HDHD2: variants seen among roughly 807,000 people sequenced by gnomAD.
The protein encoded by HDHD2 is haloacid dehalogenase like hydrolase domain containing 2.
In HDHD2, 26 loss-of-function variants were observed where a neutral mutation model predicts 24.8. The ratio of observed to expected loss-of-function variants is 1.05; its 90% confidence interval spans 0.77 to 1.45. The LOEUF (loss-of-function observed/expected upper bound fraction) is 1.45, where lower values mean the gene tolerates loss of function less well. Among genes scored for constraint, HDHD2 ranks in the 40% most tolerant of loss-of-function variants. The pLI is 0.00. For missense variants in HDHD2, 299 were observed against 313.4 expected (o/e 0.95, Z 0.35); for synonymous variants, 128 against 114.9 (o/e 1.11, Z -0.73).
intron 4 of HDHD2, among the ~76,000 whole-genome samples, chr18:47,122,497 T>C (rs1429444169): frequency 6.6e-6 from 1 of 152,130 alleles, no homozygotes; most frequent in Admixed American, 6.6e-5. Context: ...AAATATTCCT[T>C]AGGGGGCAAA....
chr18:47,146,442 G>C (rs547908030), intron 1 of HDHD2, among the ~76,000 whole-genome samples: 1 of 152,248 alleles, frequency 6.6e-6, no homozygotes, highest in East Asian at 1.9e-4. Context: ...AAGCATTTTG[G>C]AATCAGTCTG....
chr18:47,150,098 C>G (rs1299261612), intron 1 of HDHD2: 2 of 152,406 alleles, frequency 1.3e-5, no homozygotes, highest in Non-Finnish European at 2.9e-5. Context: ...AGCCCAAGAG[C>G]ACGCTTCGAG....
At chr18:47,129,850 G>A (rs1301949712) in intron 4 of HDHD2, among the ~76,000 whole-genome samples, 1 of 152,160 alleles carries the variant, frequency 6.6e-6, no homozygotes, top group Non-Finnish European at 1.5e-5. Context: ...GAGGTGGGCA[G>A]ATTGCTTGAG....
chr18:47,117,156 T>C (rs2063564145), intron 4 of HDHD2, among the ~76,000 whole-genome samples: 1 of 152,216 alleles, frequency 6.6e-6, no homozygotes, highest in South Asian at 2.1e-4. Context: ...AGGACACAGA[T>C]TAAAAGATCT....
intron 1 of HDHD2, among the ~76,000 whole-genome samples, chr18:47,145,877 T>A (rs971843432): frequency 6.6e-6 from 1 of 151,990 alleles, no homozygotes; most frequent in Non-Finnish European, 1.5e-5. Context: ...GTATAAACAT[T>A]AAGAAAAAGA....
At chr18:47,134,408 G>C (rs2063743003) in intron 3 of HDHD2, 88 bp downstream of exon 3, 1 of 925,984 alleles carries the variant, frequency 1.1e-6, no homozygotes, top group Non-Finnish European at 1.6e-6. Flanking sequence ...GGGGAAATCA[G>C]AATAAACATC....
At chr18:47,110,408 C>G in intron 6 of HDHD2, 1 of 985,276 alleles carries the variant, frequency 1.0e-6, no homozygotes. Context: ...GCTTAAATAT[C>G]GTTAGTATAA....
At chr18:47,125,810 G>T (rs1409505986) in intron 4 of HDHD2, among the ~76,000 whole-genome samples, 1 of 152,102 alleles carries the variant, frequency 6.6e-6, no homozygotes, top group Non-Finnish European at 1.5e-5. Flanking sequence ...GGTTACATAG[G>T]TATATCTATG....
intron 4 of HDHD2, among the ~76,000 whole-genome samples, chr18:47,128,895 A>C (rs1407479677): frequency 1.3e-5 from 2 of 152,214 alleles, no homozygotes; most frequent in African/African-American, 4.8e-5. Flanking sequence ...AGTTTCCTAT[A>C]AACATTCTAT....
intron 4 of HDHD2, among the ~76,000 whole-genome samples, chr18:47,117,597 T>A (rs2063568123): frequency 6.6e-6 from 1 of 152,226 alleles, no homozygotes; most frequent in African/African-American, 2.4e-5. Flanking sequence ...TCAGGTATTG[T>A]TATAGCAGCA....
intron 3 of HDHD2, among the ~76,000 whole-genome samples, chr18:47,133,422 T>C (rs2063732700): frequency 6.6e-6 from 1 of 150,916 alleles, no homozygotes; most frequent in African/African-American, 2.4e-5. Flanking sequence ...TGGTTCCAAG[T>C]CTTTGCTATT....
chr18:47,108,952 G>T, intron 6 of HDHD2, 167 bp from the exon 7 acceptor site: 1 of 563,056 alleles, frequency 1.8e-6, no homozygotes, highest in South Asian at 2.5e-5. Context: ...ATGTAAATGA[G>T]GCAATTCAAA....
intron 4 of HDHD2, among the ~76,000 whole-genome samples, chr18:47,129,971 T>C (rs2063697177): frequency 6.6e-6 from 1 of 152,100 alleles, no homozygotes; most frequent in African/African-American, 2.4e-5. Context: ...AGATCGAGGC[T>C]GTGGTGAGCC....
At chr18:47,120,730 T>C (rs924718876) in intron 4 of HDHD2, among the ~76,000 whole-genome samples, 2 of 152,204 alleles carry the variant, frequency 1.3e-5, no homozygotes, top group African/African-American at 4.8e-5. Flanking sequence ...AAGAGATGTA[T>C]GATTCTTCCT....
At chr18:47,127,559 CTTGT>C (rs1221930077) in intron 4 of HDHD2, among the ~76,000 whole-genome samples, 2 of 151,984 alleles carry the variant, frequency 1.3e-5, no homozygotes, top group African/African-American at 4.8e-5. Flanking sequence ...TTATAAGTGA[CTTGT>C]TTGTCTTCCT....
intron 4 of HDHD2, among the ~76,000 whole-genome samples, chr18:47,127,206 A>G (rs2063667156): frequency 6.6e-6 from 1 of 152,196 alleles, no homozygotes; most frequent in South Asian, 2.1e-4. Flanking sequence ...CTTGTGGCAA[A>G]GCAATTCATT....
intron 3 of HDHD2, among the ~76,000 whole-genome samples, chr18:47,130,917 TATAAC>T (rs1403051587): frequency 6.6e-6 from 1 of 152,226 alleles, no homozygotes. Flanking sequence ...CTTGGCATCT[TATAAC>T]AGAACTTCAG....
chr18:47,141,486 C>T (rs1451126772), intron 1 of HDHD2, among the ~76,000 whole-genome samples: 1 of 152,140 alleles, frequency 6.6e-6, no homozygotes, highest in Non-Finnish European at 1.5e-5. Context: ...GAACTAAACT[C>T]CACCTTCTAA....
chr18:47,116,765 C>T (rs1599926449), intron 4 of HDHD2, among the ~76,000 whole-genome samples: 1 of 152,192 alleles, frequency 6.6e-6, no homozygotes, highest in Non-Finnish European at 1.5e-5. Flanking sequence ...TTATTTGCTA[C>T]TCTACCACGG....
Sources: gnomAD v4.1 joint callset for allele counts (sites outside exome capture counted in the v4.1 genomes callset) on GRCh38, gnomAD v4.1.1 for gene constraint, MANE v1.5 for transcripts, NCBI Gene and HGNC (gene_info 2026-07-23, HGNC 2026-07-21) for gene names.